GLRA2: variants seen among roughly 807,000 people sequenced by gnomAD.
GLRA2 encodes the protein glycine receptor alpha 2.
A neutral mutation model predicts 31.6 loss-of-function variants in GLRA2; 11 were observed. The observed-to-expected ratio is 0.35, with a 90% confidence interval of 0.22 to 0.58. The LOEUF (loss-of-function observed/expected upper bound fraction) is 0.58. GLRA2 is among the 20% of genes least tolerant of loss of function. The probability of loss-of-function intolerance (pLI) is 0.84; values close to 1 mark genes in which losing one functional copy is unlikely to be tolerated. For missense variants in GLRA2, 212 were observed against 351.8 expected (o/e 0.60, Z 3.18); for synonymous variants, 132 against 134.0 (o/e 0.99, Z 0.10).
At chrX:14,698,100 A>G (rs1190543080) in intron 8 of GLRA2, among the ~76,000 whole-genome samples, 2 of 111,980 alleles carry the variant, frequency 1.8e-5, no homozygotes, top group Non-Finnish European at 3.8e-5. Context: ...AAGGTGAAGC[A>G]AATAGGGTGA....
At chrX:14,554,725 C>CA (rs933839575) in intron 2 of GLRA2, among the ~76,000 whole-genome samples, 5 of 110,398 alleles carry the variant, frequency 4.5e-5, no homozygotes, top group Non-Finnish European at 7.6e-5. Flanking sequence ...ATAATCAGTT[C>CA]AAAAAAAACC....
intron 4 of GLRA2, among the ~76,000 whole-genome samples, chrX:14,590,583 C>G (rs1246680726): frequency 8.9e-6 from 1 of 111,801 alleles, no homozygotes; most frequent in Non-Finnish European, 1.9e-5. Flanking sequence ...TTAAATGTTG[C>G]CAGTGGTGTT....
At position 14,678,705 on chromosome X, in the gene GLRA2, G is replaced by C. The variant is rs146536137; in HGVS notation, c.931-12005G>C. Among the ~76,000 whole-genome samples the C allele has an allele frequency of 1.8e-3, 201 of 111,979 alleles. 1 individual carries two copies. Among genetic ancestry groups the C allele is most frequent in the Non-Finnish European group, 2.5e-3 (132 of 53,215 alleles). The stretch of plus-strand genomic sequence containing the variant: ...AGAATGCTGCTGTGAGGTCAGGGCT[G>C]AGGGAATAATTTGAGAGCTTTGGAA... On this transcript the variant is annotated intron_variant, in intron 7 of 8. Coordinates refer to ENST00000218075, the MANE Select transcript of GLRA2 (RefSeq NM_002063.4).
At chrX:14,704,338 C>G (rs1363904633) in intron 8 of GLRA2, among the ~76,000 whole-genome samples, 1 of 112,364 alleles carries the variant, frequency 8.9e-6, no homozygotes, top group East Asian at 2.8e-4. Flanking sequence ...CACTATCTAG[C>G]TCTTAATTGG....
At chrX:14,560,708 T>C (rs1271542699) in intron 2 of GLRA2, among the ~76,000 whole-genome samples, 1 of 104,659 alleles carries the variant, frequency 9.6e-6, no homozygotes, top group Non-Finnish European at 1.9e-5. Flanking sequence ...TCCTAGCTAC[T>C]TGGGAGCCTG....
At chrX:14,481,536 G>T in the GLRA2 span, among the ~76,000 whole-genome samples, 73 of 111,514 alleles carry the variant, frequency 6.5e-4, no homozygotes, top group African/African-American at 2.1e-3. Context: ...TTTTAACAAT[G>T]GATGTTTACT....
At chrX:14,455,863 TTAAAATCCAC>T in the GLRA2 span, among the ~76,000 whole-genome samples, 1 of 112,042 alleles carries the variant, frequency 8.9e-6, no homozygotes, top group Non-Finnish European at 1.9e-5. Flanking sequence ...GTATATTCCT[TTAAAATCCAC>T]TTTAATGTTC....
At chrX:14,491,716 C>A in the GLRA2 span, among the ~76,000 whole-genome samples, 1 of 111,260 alleles carries the variant, frequency 9.0e-6, no homozygotes, top group Non-Finnish European at 1.9e-5. Flanking sequence ...GTTCTAATGG[C>A]CTGGCTGAGT....
At chrX:14,719,706 C>T (rs1569526840) in intron 8 of GLRA2, among the ~76,000 whole-genome samples, 2 of 111,453 alleles carry the variant, frequency 1.8e-5, no homozygotes, top group Non-Finnish European at 3.8e-5. Context: ...GCTCTATATC[C>T]AAAGGAAAGG....
At chrX:14,690,899 T>A in intron 8 of GLRA2, 40 bp downstream of exon 8, 1 of 1,175,869 alleles carries the variant, frequency 8.5e-7, no homozygotes, top group Non-Finnish European at 1.2e-6. Context: ...AGAGCTTGAG[T>A]TGGTTAGCTA....
the GLRA2 span, among the ~76,000 whole-genome samples, chrX:14,489,944 T>C: frequency 9.0e-6 from 1 of 110,520 alleles, no homozygotes; most frequent in African/African-American, 3.3e-5. Flanking sequence ...AATAGTACAA[T>C]GTCTTTCCAA....
At chrX:14,464,864 A>G in the GLRA2 span, among the ~76,000 whole-genome samples, 2 of 112,154 alleles carry the variant, frequency 1.8e-5, no homozygotes, top group African/African-American at 6.5e-5. Flanking sequence ...CTATGTGTCT[A>G]TTTTTATGAC....
chrX:14,531,317 C>G (rs2089252956), intron 1 of GLRA2: 1 of 278,166 alleles, frequency 3.6e-6, no homozygotes. Flanking sequence ...TCATAAGACA[C>G]TATTTGTTAA....
At chrX:14,565,103 GAAGT>G (rs753938327) in intron 2 of GLRA2, among the ~76,000 whole-genome samples, 4 of 111,611 alleles carry the variant, frequency 3.6e-5, no homozygotes, top group Admixed American at 9.5e-5. Flanking sequence ...CAAAATGATA[GAAGT>G]AAGTCCTTGC....
At chrX:14,464,546 A>T in the GLRA2 span, among the ~76,000 whole-genome samples, 4 of 111,496 alleles carry the variant, frequency 3.6e-5, no homozygotes, top group African/African-American at 1.3e-4. Flanking sequence ...CTATGTATCT[A>T]TTTTTTATTT....
intron 2 of GLRA2, among the ~76,000 whole-genome samples, chrX:14,573,158 A>T (rs1007359125): frequency 3.6e-5 from 4 of 112,274 alleles, no homozygotes; most frequent in African/African-American, 1.3e-4. Context: ...CATCTCTTTT[A>T]CCACAACTCC....
chrX:14,488,181 A>G, the GLRA2 span, among the ~76,000 whole-genome samples: 1 of 112,353 alleles, frequency 8.9e-6, no homozygotes, highest in Non-Finnish European at 1.9e-5. Flanking sequence ...CTGAAAAGAA[A>G]TAATGCCATT....
At chrX:14,606,496 TTAGC>T (rs2090335681) in intron 5 of GLRA2, among the ~76,000 whole-genome samples, 1 of 111,653 alleles carries the variant, frequency 9.0e-6, no homozygotes, top group African/African-American at 3.2e-5. Flanking sequence ...GTGGGCCCAT[TTAGC>T]AAGACACTAG....
chrX:14,532,425 G>T, intron 2 of GLRA2, 53 bp downstream of exon 2: 1 of 817,872 alleles, frequency 1.2e-6, no homozygotes, highest in South Asian at 3.5e-5. Flanking sequence ...CTAGATGTTT[G>T]AATAGTTAAC....
Sources: allele counts gnomAD v4.1 joint callset (sites outside exome capture counted in the v4.1 genomes callset), GRCh38; gene constraint gnomAD v4.1.1; transcripts MANE v1.5; gene names NCBI Gene and HGNC (gene_info 2026-07-23, HGNC 2026-07-21).